The following IGF2BP2 variants were observed in gnomAD, a reference collection of about 807,000 sequenced individuals.
The protein encoded by IGF2BP2 is insulin like growth factor 2 mRNA binding protein 2, also known as insulin-like growth factor 2 mRNA-binding protein 2.
Under a neutral mutation model 75.8 loss-of-function variants are expected in IGF2BP2, and 17 were observed. That is an observed-to-expected ratio of 0.22 (90% CI 0.15 to 0.34). The LOEUF is 0.34. IGF2BP2 is among the 10% of genes least tolerant of loss of function. The pLI, the probability that IGF2BP2 is intolerant of heterozygous loss-of-function variation, is 1.00. For missense variants in IGF2BP2, 516 were observed against 772.4 expected, an observed-to-expected ratio of 0.67 and a Z score of 3.93; for synonymous variants, 288 against 295.6, an observed-to-expected ratio of 0.97 and a Z score of 0.26.
intron 2 of IGF2BP2, among the ~76,000 whole-genome samples, chr3:185,702,417 A>T (rs1246703876): frequency 6.6e-6 from 1 of 152,068 alleles, no homozygotes; most frequent in African/African-American, 2.4e-5. Flanking sequence ...TCTCCCTGAA[A>T]CTGTGCCCTG....
intron 15 of IGF2BP2, among the ~76,000 whole-genome samples, chr3:185,646,516 G>C (rs1319943729): frequency 2.0e-5 from 3 of 152,240 alleles, no homozygotes; most frequent in Non-Finnish European, 4.4e-5. Flanking sequence ...CTTTCCCAAT[G>C]AAAGAGAAGC....
intron 2 of IGF2BP2, among the ~76,000 whole-genome samples, chr3:185,806,314 G>C (rs1739020912): frequency 6.6e-6 from 1 of 152,120 alleles, no homozygotes; most frequent in African/African-American, 2.4e-5. Flanking sequence ...CATCTATTCT[G>C]GTTGACTAAA....
intron 2 of IGF2BP2, among the ~76,000 whole-genome samples, chr3:185,789,569 C>G (rs1020383064): frequency 2.6e-5 from 4 of 152,000 alleles, no homozygotes; most frequent in African/African-American, 9.7e-5. Flanking sequence ...GAGCACGGAG[C>G]CACATAGGGC....
At chr3:185,795,479 C>T (rs935262556) in intron 2 of IGF2BP2, among the ~76,000 whole-genome samples, 1 of 152,162 alleles carries the variant, frequency 6.6e-6, no homozygotes, top group Non-Finnish European at 1.5e-5. Context: ...TTCTTTTGGG[C>T]ACACACCTGG....
chr3:185,821,010 A>G, intron 2 of IGF2BP2: 1 of 1,535,682 alleles, frequency 6.5e-7, no homozygotes, highest in South Asian at 1.2e-5. Context: ...ATGTCACAGT[A>G]CCCTGGATTT....
intron 2 of IGF2BP2, among the ~76,000 whole-genome samples, chr3:185,798,087 G>A (rs543479141): frequency 6.6e-6 from 1 of 152,138 alleles, no homozygotes; most frequent in East Asian, 1.9e-4. Context: ...TGTAATCCCA[G>A]CTACTCATGA....
At chr3:185,688,696 G>A (rs1471845543) in intron 6 of IGF2BP2, among the ~76,000 whole-genome samples, 2 of 152,280 alleles carry the variant, frequency 1.3e-5, no homozygotes, top group East Asian at 3.9e-4. Context: ...TGCTCAGAGA[G>A]GTTAACATCT....
At position 185,698,166 on chromosome 3, in the gene IGF2BP2, G is replaced by T. The variant is rs562486242; in HGVS notation, c.288+133C>A. 13 of 696,714 alleles carry T rather than the reference G, an allele frequency of 1.9e-5. No individual in the cohort carries two copies. In the East Asian group the frequency reaches 3.2e-4, roughly 17 times the overall value. 43.2% of individuals were successfully genotyped at this position (696,714 alleles called of 1,614,324 possible). Reference sequence around the variant, plus strand: ...ACTCATTACAGATCACATACATTAGGGTACTGAAAAGAAAGAGGCAGGACC... The same window carrying T: ...ACTCATTACAGATCACATACATTAGTGTACTGAAAAGAAAGAGGCAGGACC... On this transcript the variant is annotated intron_variant, in intron 3 of 15. Transcript: ENST00000382199.
chr3:185,662,454 G>T (rs567898552), intron 10 of IGF2BP2, among the ~76,000 whole-genome samples: 22 of 146,182 alleles, frequency 1.5e-4, no homozygotes, highest in African/African-American at 5.5e-4. Flanking sequence ...CTCCAGCCTG[G>T]GTGACAGAGT....
chr3:185,665,803 C>G (rs533671884), intron 10 of IGF2BP2, among the ~76,000 whole-genome samples: 59 of 152,162 alleles, frequency 3.9e-4, no homozygotes, highest in African/African-American at 1.3e-3. Flanking sequence ...CCCGTCTCTA[C>G]CAAAAATAGA....
intron 12 of IGF2BP2, among the ~76,000 whole-genome samples, chr3:185,652,877 T>A (rs1374851553): frequency 2.0e-5 from 3 of 152,092 alleles, no homozygotes; most frequent in Non-Finnish European, 4.4e-5. Flanking sequence ...AGTGGCGCGA[T>A]CTCAGCTCAC....
chr3:185,767,140 T>C (rs1002157892), intron 2 of IGF2BP2, among the ~76,000 whole-genome samples: 2 of 152,212 alleles, frequency 1.3e-5, no homozygotes, highest in African/African-American at 2.4e-5. Context: ...GATGGTGGCA[T>C]AGGCAACAGC....
intron 2 of IGF2BP2, among the ~76,000 whole-genome samples, chr3:185,721,453 C>T (rs902880634): frequency 7.9e-5 from 12 of 152,100 alleles, no homozygotes; most frequent in Middle Eastern, 3.2e-3. Flanking sequence ...CCGCCCGCCT[C>T]GGCCTCCCAA....
chr3:185,819,898 T>A (rs1176466110), intron 2 of IGF2BP2, among the ~76,000 whole-genome samples: 1 of 152,016 alleles, frequency 6.6e-6, no homozygotes, highest in Non-Finnish European at 1.5e-5. Flanking sequence ...ATGTAGTACA[T>A]ACAAGCAAAA....
chr3:185,681,637 A>C (rs1296465095), intron 7 of IGF2BP2, among the ~76,000 whole-genome samples: 4 of 152,270 alleles, frequency 2.6e-5, no homozygotes, highest in Non-Finnish European at 5.9e-5. Context: ...AAAATAAGGA[A>C]GTTGAAGGGC....
At chr3:185,803,969 CA>C (rs1738628154) in intron 2 of IGF2BP2, among the ~76,000 whole-genome samples, 1 of 151,748 alleles carries the variant, frequency 6.6e-6, no homozygotes, top group Admixed American at 6.6e-5. Context: ...ACTAAAAGTA[CA>C]AAAATTGGCC....
rs576588561 is a variant in IGF2BP2, at chr3:185,738,443, C to T, written c.240-40096G>A. ...GCAACACAGAAGACGGAGGCAGGAA[C>T]AGCCTAGGGGAGTCAGGAAGGGCTT... On this transcript the variant is annotated intron_variant, in intron 2 of 15. Coordinates refer to ENST00000382199, the MANE Select transcript of IGF2BP2 (RefSeq NM_006548.6). 1.8e-4 allele frequency among the ~76,000 whole-genome samples: 27 copies of T among 152,292 alleles called. 1 individual carries two copies. In the South Asian group the frequency reaches 5.6e-3, roughly 32 times the overall value.
intron 2 of IGF2BP2, among the ~76,000 whole-genome samples, chr3:185,789,824 C>T (rs192984133): frequency 2.5e-4 from 38 of 150,650 alleles, no homozygotes; most frequent in Admixed American, 2.4e-3. Context: ...ACCTCCAACA[C>T]CCAGGTTCGA....
chr3:185,803,116 C>T (rs1215332728), intron 2 of IGF2BP2, among the ~76,000 whole-genome samples: 1 of 152,184 alleles, frequency 6.6e-6, no homozygotes, highest in African/African-American at 2.4e-5. Context: ...ACTTTGAGGC[C>T]TAGGCAGGTG....
Sources: allele counts gnomAD v4.1 joint callset (sites outside exome capture counted in the v4.1 genomes callset), GRCh38; gene constraint gnomAD v4.1.1; transcripts MANE v1.5; gene names NCBI Gene and HGNC (gene_info 2026-07-23, HGNC 2026-07-21).